Variants in SMARCA4 observed in about 807,000 individuals in gnomAD.
SMARCA4 encodes SWI/SNF-related matrix-associated actin-dependent regulator of chromatin subfamily A member 4.
In SMARCA4, 31 loss-of-function variants were observed where a neutral mutation model predicts 193.9. The ratio of observed to expected loss-of-function variants is 0.16; its 90% CI spans 0.12 to 0.22. SMARCA4 has a LOEUF of 0.22. Ranked by LOEUF, SMARCA4 falls within the 10% of genes least tolerant of loss-of-function variation. SMARCA4 has a pLI of 1.00. For synonymous variants in SMARCA4, 942 were observed against 933.1 expected, an observed-to-expected ratio of 1.01 and a Z score of -0.17; for missense variants, 1,148 against 2,296.0, an observed-to-expected ratio of 0.50 and a Z score of 10.22.
intron 30 of SMARCA4, among the ~76,000 whole-genome samples, chr19:11,056,998 A>AT (rs1358767943): frequency 2.6e-5 from 4 of 152,216 alleles, no homozygotes; most frequent in African/African-American, 9.6e-5. Context: ...GCCCTCTGGA[A>AT]TTTTCTGGGA....
intron 1 of SMARCA4, among the ~76,000 whole-genome samples, chr19:10,963,206 C>A (rs1407436900): frequency 3.3e-5 from 5 of 151,690 alleles, no homozygotes; most frequent in Admixed American, 3.3e-4. Flanking sequence ...GACCTCATCT[C>A]TACAAAAAAT....
intron 13 of SMARCA4, among the ~76,000 whole-genome samples, chr19:11,006,843 T>A (rs1221171274): frequency 6.6e-6 from 1 of 151,522 alleles, no homozygotes; most frequent in Non-Finnish European, 1.5e-5. Context: ...CCCAGCACTT[T>A]GGGAGGCTGA....
At chr19:10,979,141 TG>T (rs528489217) in intron 1 of SMARCA4, among the ~76,000 whole-genome samples, 417 of 152,278 alleles carry the variant, frequency 2.7e-3, no homozygotes, top group African/African-American at 9.2e-3. Flanking sequence ...GCACCTGGAA[TG>T]CTGTCCCTGT....
rs143799919 is a variant in SMARCA4 at position 11,010,323 on chromosome 19, G to A, written c.2124-58G>A. The A allele has an allele frequency of 1.0e-4, 163 of 1,587,584 alleles. No homozygotes were observed. In the African/African-American group the frequency reaches 2.0e-3, roughly 19 times the overall value. ...TCCGCAGAGCTTGTGTCAGGAGCCA[G>A]CACATTGTCACAGATAGGAATGTGT... is the stretch of plus-strand genomic sequence containing the variant. On this transcript the variant is annotated intron_variant, in intron 14 of 34. Transcript: ENST00000344626.
At chr19:11,046,003 C>T (rs1470696141) in intron 30 of SMARCA4, among the ~76,000 whole-genome samples, 1 of 152,110 alleles carries the variant, frequency 6.6e-6, no homozygotes, top group East Asian at 1.9e-4. Context: ...GCGAGCGGAT[C>T]ACAAGGCCAG....
At chr19:11,045,553 C>G (rs1160450481) in intron 30 of SMARCA4, among the ~76,000 whole-genome samples, 1 of 152,130 alleles carries the variant, frequency 6.6e-6, no homozygotes, top group Non-Finnish European at 1.5e-5. Context: ...TTCCATTACA[C>G]CTTGGTTTTT....
chr19:11,025,199 A>G (rs2090165879), intron 21 of SMARCA4, among the ~76,000 whole-genome samples: 1 of 152,246 alleles, frequency 6.6e-6, no homozygotes. Flanking sequence ...TGTCCCTGCC[A>G]TCTGCCCTCT....
Position 10,985,182 on chromosome 19 carries a change from G to T in SMARCA4, c.223-91G>T. On this transcript the variant is annotated intron_variant, in intron 2 of 34. Transcript: ENST00000344626. This position sits in a 1 kb window ranked among gnomAD's most constrained non-coding sequence, Gnocchi z 4.5. ...CGTCATCTTCGGGTGGCTGTTCTCG[G>T]TGCCCTCGAGCTTCTCTCGGGCAGC... The T allele has an allele frequency of 7.2e-7, 1 of 1,397,806 alleles. No individual in the cohort carries two copies. Among genetic ancestry groups the T allele is most frequent in the South Asian group, 1.2e-5 (1 of 85,990 alleles). 86.6% of individuals were successfully genotyped at this position (1,397,806 alleles called of 1,614,324 possible). A position where few individuals can be genotyped will look rare whatever the true frequency, so the allele number is the denominator to read the frequency against.
At position 10,998,503 on chromosome 19, in the gene SMARCA4, C is replaced by CTTTT. The variant is rs60264578; in HGVS notation, c.1812+1971_1812+1974dup. ...GAATTCCAGCTACTCCTTTTAGTAT[C>CTTTT]TTTTTTTTTTTTTTTGCCTGTATCA... On this transcript the variant is annotated intron_variant, in intron 11 of 34. Coordinates refer to ENST00000344626, the MANE Select transcript of SMARCA4 (RefSeq NM_003072.5). Among the ~76,000 whole-genome samples the CTTTT allele has an allele frequency of 2.9e-4, 40 of 138,006 alleles. 1 individual carries two copies. The highest frequency in any genetic ancestry group is 2.5e-3 in the South Asian group (11 of 4,318). The allele number at this position is 138,006 out of a possible 152,430, so 90.5% of individuals were successfully genotyped here. A position where few individuals can be genotyped will look rare whatever the true frequency, so the allele number is the denominator to read the frequency against.
chr19:10,996,033 T>C, intron 9 of SMARCA4, 180 bp from the exon 10 acceptor site: 1 of 724,076 alleles, frequency 1.4e-6, no homozygotes, highest in Admixed American at 2.0e-5. Context: ...AACCTAGCCC[T>C]TGGTGGGTTT....
At chr19:11,056,021 T>C (rs2076530046) in intron 30 of SMARCA4, among the ~76,000 whole-genome samples, 1 of 152,240 alleles carries the variant, frequency 6.6e-6, no homozygotes, top group Non-Finnish European at 1.5e-5. Context: ...CAACTCTTGC[T>C]GTGCCTTATT....
At chr19:10,983,152 C>T (rs2085702367) in intron 1 of SMARCA4, among the ~76,000 whole-genome samples, 1 of 151,782 alleles carries the variant, frequency 6.6e-6, no homozygotes, top group African/African-American at 2.4e-5. Context: ...GCCAGCGAGG[C>T]GGAGAAGCCT....
rs374499588 is a variant in SMARCA4, at chr19:11,027,793, G to A, written c.3225G>A (p.Leu1075=). The change falls in exon 24 of 35, where the codon CTG becomes CTA. Residue 1075 remains leucine, a synonymous_variant. Transcript: ENST00000344626. ...CTCCTCCACACTCCAGGCTGGACCTGTACCGAGCCTCGGGTAAATTTGAGC... is the reference window on the plus strand; with the variant it reads ...CTCCTCCACACTCCAGGCTGGACCTATACCGAGCCTCGGGTAAATTTGAGC... ...FTGGIVQGLD[L]YRASGKFELL... 90 of 1,613,938 alleles carry A rather than the reference G, an allele frequency of 5.6e-5. No homozygotes were observed. The highest frequency in any genetic ancestry group is 7.3e-5 in the Non-Finnish European group (86 of 1,180,046).
rs527713724 is a variant in SMARCA4, at chr19:10,993,696, AGTGCAGTGGCG to A, written c.1420-1131_1420-1121del. ...AGTCTCGCTCTGTCGCCCACGCTGG[AGTGCAGTGGCG>A]CGATCTCGGCTCACTGCAAGCTCTG... On this transcript the variant is annotated intron_variant, in intron 8 of 34. Coordinates refer to ENST00000344626, the MANE Select transcript of SMARCA4 (RefSeq NM_003072.5). Among the ~76,000 whole-genome samples, 259 of 151,828 alleles carry A rather than the reference AGTGCAGTGGCG, an allele frequency of 1.7e-3. 1 individual carries two copies. Among genetic ancestry groups the A allele is most frequent in the Middle Eastern group, 6.8e-3 (2 of 294 alleles).
At chr19:10,961,258 G>A (rs1223196117) in intron 1 of SMARCA4, 84 bp downstream of exon 1, 1 of 149,472 alleles carries the variant, frequency 6.7e-6, no homozygotes, top group Admixed American at 6.6e-5. Flanking sequence ...AGGGGGGAGG[G>A]GGCTGCCGGC....
At chr19:11,055,272 C>A (rs1461062560) in intron 30 of SMARCA4, among the ~76,000 whole-genome samples, 2 of 152,154 alleles carry the variant, frequency 1.3e-5, no homozygotes, top group Non-Finnish European at 2.9e-5. Context: ...TCACTGCAAC[C>A]TCTGCCACCC....
Position 11,019,382 on chromosome 19 carries a change from C to T in SMARCA4, c.2506-209C>T. On this transcript the variant is annotated intron_variant, in intron 17 of 34. Coordinates refer to ENST00000344626, the MANE Select transcript of SMARCA4 (RefSeq NM_003072.5). The surrounding 1 kb of genome is among the most constrained non-coding windows in gnomAD (Gnocchi z 6.1). ...TCAGGCCCCGGCCGCCGCTGGCCTG[C>T]ACTGCTTCCTCTTCCCCCTGCAGCG... 1.6e-6 allele frequency: 1 copy of T among 618,384 alleles called. No individual in the cohort carries two copies. Among genetic ancestry groups the T allele is most frequent in the Non-Finnish European group, 2.9e-6 (1 of 344,480 alleles). 38.3% of individuals were successfully genotyped at this position (618,384 alleles called of 1,614,324 possible). A position where few individuals can be genotyped will look rare whatever the true frequency, so the allele number is the denominator to read the frequency against.
intron 9 of SMARCA4, 134 bp from the exon 10 acceptor site, chr19:10,996,079 G>A (rs1461881244): frequency 4.4e-5 from 38 of 868,062 alleles, no homozygotes; most frequent in South Asian, 7.9e-5. Flanking sequence ...GTCGATTGCC[G>A]TGTGAAGGGC....
chr19:10,978,107 T>A (rs1159010870), intron 1 of SMARCA4, among the ~76,000 whole-genome samples: 2 of 152,184 alleles, frequency 1.3e-5, no homozygotes, highest in African/African-American at 4.8e-5. Flanking sequence ...GGCTAGATCT[T>A]CCTTCCTTGC....
Sources: allele counts gnomAD v4.1 joint callset (sites outside exome capture counted in the v4.1 genomes callset), GRCh38; gene constraint gnomAD v4.1.1; non-coding constraint Gnocchi (gnomAD v3.1); transcripts MANE v1.5; gene names NCBI Gene and HGNC (gene_info 2026-07-23, HGNC 2026-07-21).